Variants in AOPEP observed in about 807,000 individuals in gnomAD.
AOPEP encodes the protein aminopeptidase O.
AOPEP carries 77 observed loss-of-function variants against 98.1 expected under a neutral mutation model. The observed-to-expected ratio is 0.78, with a 90% CI of 0.65 to 0.95. The LOEUF (loss-of-function observed/expected upper bound fraction) is 0.95. AOPEP is among the 40% of genes least tolerant of loss of function. The pLI is 0.00. For missense variants in AOPEP, 1,024 were observed against 1,024.7 expected (o/e 1.00, Z 0.01); for synonymous variants, 346 against 365.3 (o/e 0.95, Z 0.60).
chr9:95,018,343 C>A (rs550187975), intron 13 of AOPEP, among the ~76,000 whole-genome samples: 1 of 152,174 alleles, frequency 6.6e-6, no homozygotes, highest in South Asian at 2.1e-4. Context: ...GGTGTTCAAA[C>A]GTGCTTTTTT....
chr9:95,058,684 T>C (rs941949910), intron 13 of AOPEP, among the ~76,000 whole-genome samples: 5 of 152,168 alleles, frequency 3.3e-5, no homozygotes, highest in African/African-American at 1.2e-4. Context: ...GTGGAGCTGC[T>C]GTTTGACAGC....
At chr9:95,123,589 C>T in the AOPEP span, 2 of 585,438 alleles carry the variant, frequency 3.4e-6, no homozygotes, top group South Asian at 1.4e-5. Context: ...CTATTTGCGA[C>T]ACGAACTGTG....
In AOPEP at chr9:94,970,565, G is replaced by C. The variant is rs551521096; in HGVS notation, c.1916+2764G>C. ...ATCTTATGCAGGGAGATTGCGTGGG[G>C]CCTTAGAAATTGGCCAAGATTTCCA... On this transcript the variant is annotated intron_variant, in intron 10 of 16. Transcript: ENST00000375315. 1.7e-3 allele frequency among the ~76,000 whole-genome samples: 252 copies of C among 151,436 alleles called. 1 individual carries two copies. Among genetic ancestry groups the C allele is most frequent in the African/African-American group, 5.9e-3 (242 of 41,312 alleles).
At chr9:95,132,637 G>C in the AOPEP span, among the ~76,000 whole-genome samples, 1 of 152,092 alleles carries the variant, frequency 6.6e-6, no homozygotes, top group African/African-American at 2.4e-5. Context: ...AAGCCAAAGG[G>C]GAAGCCTCAA....
At chr9:94,962,396 G>A (rs1346516517) in intron 9 of AOPEP, among the ~76,000 whole-genome samples, 3 of 152,180 alleles carry the variant, frequency 2.0e-5, no homozygotes, top group African/African-American at 4.8e-5. Flanking sequence ...TGCCGGGTTT[G>A]TGCAGTTCAC....
At chr9:94,821,210 T>C (rs1853036668) in intron 5 of AOPEP, among the ~76,000 whole-genome samples, 1 of 152,160 alleles carries the variant, frequency 6.6e-6, no homozygotes, top group African/African-American at 2.4e-5. Flanking sequence ...TGCCTTGGCG[T>C]TGAGTGAATG....
chr9:95,074,348 C>T (rs976764560), intron 14 of AOPEP, among the ~76,000 whole-genome samples: 1 of 152,190 alleles, frequency 6.6e-6, no homozygotes, highest in African/African-American at 2.4e-5. Flanking sequence ...ACCTGCCCTT[C>T]ATTCTTCCCA....
At chr9:95,036,660 TCCTC>T (rs2064849454) in intron 13 of AOPEP, among the ~76,000 whole-genome samples, 1 of 151,420 alleles carries the variant, frequency 6.6e-6, no homozygotes, top group African/African-American at 2.4e-5. Flanking sequence ...CTCCTCTTCT[TCCTC>T]CTCCTCTTCT....
intron 14 of AOPEP, among the ~76,000 whole-genome samples, chr9:95,067,931 T>A (rs145011896): frequency 4.8e-4 from 73 of 152,368 alleles, no homozygotes; most frequent in African/African-American, 1.6e-3. Flanking sequence ...GAATTATATA[T>A]AATATTTGGT....
chr9:94,947,970 C>A (rs979449390), intron 7 of AOPEP, among the ~76,000 whole-genome samples: 3 of 152,206 alleles, frequency 2.0e-5, no homozygotes, highest in Non-Finnish European at 4.4e-5. Context: ...ATGTTGGAAG[C>A]CACAGCAGTC....
At chr9:94,806,329 TA>T (rs1405170665) in intron 5 of AOPEP, among the ~76,000 whole-genome samples, 1 of 152,234 alleles carries the variant, frequency 6.6e-6, no homozygotes, top group Non-Finnish European at 1.5e-5. Context: ...GATTGTTTTT[TA>T]AAAAGATGTT....
intron 13 of AOPEP, among the ~76,000 whole-genome samples, chr9:95,026,371 C>T (rs1014865585): frequency 6.6e-6 from 1 of 152,220 alleles, no homozygotes; most frequent in Non-Finnish European, 1.5e-5. Context: ...CTCCTCATCC[C>T]TAGGCAACCT....
chr9:94,793,464 G>C (rs911233626), intron 4 of AOPEP, among the ~76,000 whole-genome samples: 1 of 152,196 alleles, frequency 6.6e-6, no homozygotes, highest in Non-Finnish European at 1.5e-5. Context: ...TCGATCACGA[G>C]GTCAGGAGTT....
At chr9:95,133,519 C>T in the AOPEP span, among the ~76,000 whole-genome samples, 3 of 152,192 alleles carry the variant, frequency 2.0e-5, no homozygotes, top group Non-Finnish European at 2.9e-5. Context: ...CAGTTATGTG[C>T]AATGGGACGG....
intron 9 of AOPEP, among the ~76,000 whole-genome samples, chr9:94,963,357 C>T (rs1487587138): frequency 1.3e-5 from 2 of 151,988 alleles, no homozygotes; most frequent in Non-Finnish European, 2.9e-5. Flanking sequence ...AGCCATGTGC[C>T]AAAATCAGTG....
intron 7 of AOPEP, chr9:94,932,133 AAAAC>A: frequency 9.9e-7 from 1 of 1,009,996 alleles, no homozygotes; most frequent in Non-Finnish European, 1.2e-6. Flanking sequence ...TAGTTGCATT[AAAAC>A]AAATAAAAAA....
chr9:94,865,903 A>G (rs1472633879), intron 5 of AOPEP, among the ~76,000 whole-genome samples: 1 of 152,206 alleles, frequency 6.6e-6, no homozygotes, highest in Non-Finnish European at 1.5e-5. Flanking sequence ...GATAGCAGAA[A>G]GCAGCAGACC....
intron 3 of AOPEP, among the ~76,000 whole-genome samples, chr9:94,778,359 T>C (rs1037088623): frequency 6.6e-6 from 1 of 152,120 alleles, no homozygotes; most frequent in African/African-American, 2.4e-5. Context: ...CACAGCACAT[T>C]TTCCATAATG....
chr9:95,136,225 AC>A, the AOPEP span, among the ~76,000 whole-genome samples: 1 of 151,962 alleles, frequency 6.6e-6, no homozygotes, highest in African/African-American at 2.4e-5. Context: ...CCCTGCTTCT[AC>A]AAAAAAAAAT....
Sources: allele counts gnomAD v4.1 joint callset (sites outside exome capture counted in the v4.1 genomes callset), GRCh38; gene constraint gnomAD v4.1.1; transcripts MANE v1.5; gene names NCBI Gene and HGNC (gene_info 2026-07-23, HGNC 2026-07-21).